ALX3: variants seen among roughly 807,000 people sequenced by gnomAD.
ALX3 encodes the protein homeobox protein aristaless-like 3.
Under a neutral mutation model 26.3 loss-of-function variants are expected in ALX3, and 17 were observed. That is an observed-to-expected ratio of 0.65 (90% CI 0.44 to 0.97). ALX3 has a LOEUF of 0.97. Among genes scored for constraint, ALX3 ranks in the 50% least tolerant of loss-of-function variants. ALX3 has a pLI of 0.00. For missense variants in ALX3, 461 were observed against 466.5 expected, an observed-to-expected ratio of 0.99 and a Z score of 0.11; for synonymous variants, 208 against 201.4, an observed-to-expected ratio of 1.03 and a Z score of -0.28.
chr1:110,060,640 G>T lies in ALX3; in HGVS notation c.*93C>A. The stretch of plus-strand genomic sequence containing the variant: ...GTGCCAGCTGCTCTCGCAGCCTCCA[G>T]AACCATCTGGGGCTTGGAGGCAGAG... On this transcript the variant is annotated 3_prime_UTR_variant, in exon 4 of 4. Transcript: ENST00000647563. The T allele has an allele frequency of 7.2e-7, 1 of 1,398,502 alleles. No individual in the cohort carries two copies. Among genetic ancestry groups the T allele is most frequent in the Non-Finnish European group, 9.7e-7 (1 of 1,027,184 alleles). 86.6% of individuals were successfully genotyped at this position (1,398,502 alleles called of 1,614,324 possible).
chr1:110,069,071 C>T (rs1437470801), intron 1 of ALX3, among the ~76,000 whole-genome samples: 1 of 152,226 alleles, frequency 6.6e-6, no homozygotes, highest in African/African-American at 2.4e-5. Context: ...CGGTGCTCAC[C>T]GCACTGCGCG....
chr1:110,069,573 G>T (rs1475176471), intron 1 of ALX3, among the ~76,000 whole-genome samples: 2 of 152,252 alleles, frequency 1.3e-5, no homozygotes, highest in Non-Finnish European at 2.9e-5. Context: ...CGGCGCCAGG[G>T]GGTTAGGCTG....
In ALX3 at chr1:110,064,731, C is replaced by T. The variant is rs777515788; in HGVS notation, c.450G>A (p.Lys150=). The change falls in exon 2 of 4, where the codon AAG becomes AAA. Residue 150 remains lysine, a synonymous_variant. Coordinates refer to ENST00000647563, the MANE Select transcript of ALX3 (RefSeq NM_006492.3). ...TCGTGCGGTTACGACGCTTCTTGCT[C>T]TTGTTCTTGGCCAACTCCATGGAGT... ...LPDSMELAKN[K]SKKRRNRTTF... is the part of the protein sequence containing the mutation. 1.6e-5 allele frequency: 26 copies of T among 1,614,118 alleles called. No individual in the cohort carries two copies. Among genetic ancestry groups the T allele is most frequent in the Non-Finnish European group, 2.1e-5 (25 of 1,180,050 alleles).
intron 2 of ALX3, chr1:110,061,875 G>T (rs1030083186): frequency 3.5e-5 from 15 of 434,202 alleles, no homozygotes; most frequent in African/African-American, 2.6e-4. Flanking sequence ...GGCCTCAGGG[G>T]CCCTAGGTAC....
chr1:110,069,074 A>G (rs57976312), intron 1 of ALX3, among the ~76,000 whole-genome samples: 4,866 of 152,306 alleles, frequency 0.032, 210 homozygotes, highest in African/African-American at 0.099. Context: ...TGCTCACCGC[A>G]CTGCGCGGCC....
intron 3 of ALX3, 161 bp from the exon 4 acceptor site, chr1:110,061,202 C>A: frequency 1.0e-6 from 1 of 993,906 alleles, no homozygotes; most frequent in Non-Finnish European, 1.5e-6. Flanking sequence ...GCAGTGGCAT[C>A]TCAGGAGGCC....
chr1:110,065,836 C>T (rs529123275), intron 1 of ALX3, among the ~76,000 whole-genome samples: 6 of 152,372 alleles, frequency 3.9e-5, no homozygotes, highest in African/African-American at 1.4e-4. Flanking sequence ...CGGAGCCTCA[C>T]CATGGTGGAT....
chr1:110,061,173 CCT>C lies in ALX3; in HGVS notation c.724-134_724-133del, dbSNP rs1050417079. ...ACCTCCACTTGGCTCAGATCTACCC[CCT>C]CTCACCCCCAACACTGGCAGTGGCA... On this transcript the variant is annotated intron_variant, in intron 3 of 3. Transcript: ENST00000647563. The C allele has an allele frequency of 4.4e-6, 5 of 1,130,270 alleles. No individual in the cohort carries two copies. The African/African-American group carries it at 4.7e-5, about 11-fold the overall frequency. 70.0% of individuals were successfully genotyped at this position (1,130,270 alleles called of 1,614,324 possible).
intron 3 of ALX3, 65 bp downstream of exon 3, chr1:110,061,370 G>A: frequency 6.2e-7 from 1 of 1,613,014 alleles, no homozygotes; most frequent in Non-Finnish European, 8.5e-7. Context: ...GTTTCTTCAG[G>A]CCAGACCTCA....
intron 2 of ALX3, among the ~76,000 whole-genome samples, chr1:110,063,349 T>C (rs1174397300): frequency 6.6e-6 from 1 of 152,092 alleles, no homozygotes; most frequent in African/African-American, 2.4e-5. Flanking sequence ...CTGGAGGCCT[T>C]GGGGGACAGT....
In ALX3 at chr1:110,059,958, A is replaced by C. The variant is rs1305556449; in HGVS notation, c.*775T>G. 1 of 151,160 alleles carries C rather than the reference A, an allele frequency of 6.6e-6. No individual in the cohort carries two copies. The highest frequency in any genetic ancestry group is 1.5e-5 in the Non-Finnish European group (1 of 67,808). The allele number at this position is 151,160 out of a possible 1,614,324, so 9.4% of individuals were successfully genotyped here. On this transcript the variant is annotated 3_prime_UTR_variant, in exon 4 of 4. Coordinates refer to ENST00000647563, the MANE Select transcript of ALX3 (RefSeq NM_006492.3). ...TTTTTTTTTTTTAAACAAAAAAAAC[A>C]CAAAAGTGTCTGTACAAAAATGGGG... is the stretch of plus-strand genomic sequence containing the variant.
rs766980097 is a variant in ALX3 at position 110,061,427 on chromosome 1, G to T, written c.723+8C>A. 1.4e-4 allele frequency: 229 copies of T among 1,614,084 alleles called. No individual in the cohort carries two copies. Among genetic ancestry groups the T allele is most frequent in the Non-Finnish European group, 1.8e-4 (207 of 1,180,044 alleles). On this transcript the variant is annotated splice_region_variant and intron_variant, in intron 3 of 3. Transcript: ENST00000647563. ...CAGGTCCTGGTTCAGGTAGGGCTGG[G>T]GTCTTACCTGAGGGTGGCTGTCAGT...
chr1:110,066,989 A>T (rs1278610284), intron 1 of ALX3, among the ~76,000 whole-genome samples: 1 of 152,192 alleles, frequency 6.6e-6, no homozygotes, highest in Non-Finnish European at 1.5e-5. Flanking sequence ...ATGCCTGCCC[A>T]GTCTACAGCC....
intron 1 of ALX3, among the ~76,000 whole-genome samples, chr1:110,069,839 C>T (rs545791395): frequency 6.6e-6 from 1 of 152,220 alleles, no homozygotes; most frequent in South Asian, 2.1e-4. Context: ...AAGACCAGGC[C>T]GCAGTCCCCA....
intron 1 of ALX3, among the ~76,000 whole-genome samples, chr1:110,069,827 C>T (rs1653876262): frequency 6.6e-6 from 1 of 152,146 alleles, no homozygotes; most frequent in Admixed American, 6.5e-5. Context: ...GAGAGACGGG[C>T]CAAGACCAGG....
At position 110,060,775 on chromosome 1, in the gene ALX3, T is replaced by C. The variant is rs750217555; in HGVS notation, c.990A>G (p.Val330=). The change falls in exon 4 of 4, where the codon GTA becomes GTG. Residue 330 remains valine, a synonymous_variant. Coordinates refer to ENST00000647563, the MANE Select transcript of ALX3 (RefSeq NM_006492.3). ...YKSPSLVSLR[V]KPKEPPGLLN... ...GAAGGCCGGGTGGCTCCTTGGGCTTTACCCTGAGCGAGACGAGGCTTGGAG... is the reference window on the plus strand; with the variant it reads ...GAAGGCCGGGTGGCTCCTTGGGCTTCACCCTGAGCGAGACGAGGCTTGGAG... The C allele has an allele frequency of 1.9e-6, 3 of 1,611,916 alleles. No homozygotes were observed. Among genetic ancestry groups the C allele is most frequent in the Admixed American group, 3.3e-5 (2 of 59,800 alleles).
intron 2 of ALX3, 124 bp from the exon 3 acceptor site, chr1:110,061,687 T>C: frequency 7.1e-7 from 1 of 1,417,024 alleles, no homozygotes; most frequent in Non-Finnish European, 9.6e-7. Context: ...ATGGAGGATC[T>C]CAACTGTTAA....
In ALX3 at chr1:110,070,579, C is replaced by T. The variant is rs1334792590; in HGVS notation, c.34G>A (p.Gly12Arg). ...DPEHCAPFRV[G>R]PAPGPYVASG... ...GCCACATAGGGGCCGGGTGCAGGCC[C>T]CACGCGGAAAGGCGCGCAGTGCTCG... Residue 12 changes from glycine (G) to arginine (R), a missense_variant, in exon 1 of 4, where the codon GGG becomes AGG. Physicochemically the swap from Gly to Arg is moderately radical, Grantham distance 125 (BLOSUM62 -2). Coordinates refer to ENST00000647563, the MANE Select transcript of ALX3 (RefSeq NM_006492.3). The T allele has an allele frequency of 1.5e-6, 2 of 1,299,452 alleles. 1 individual carries two copies. The highest frequency in any genetic ancestry group is 7.2e-5 in the Admixed American group (2 of 27,726). The allele number at this position is 1,299,452 out of a possible 1,614,324, so 80.5% of individuals were successfully genotyped here.
chr1:110,064,868 G>T lies in ALX3; in HGVS notation c.313C>A (p.Gln105Lys). Reference protein sequence around the residue: ...EKTSKAASFPQLPLDCRGGPR... With the variant: ...EKTSKAASFPKLPLDCRGGPR... ...CCCCCTCGGCAGTCCAAGGGCAGCT[G>T]GGGGAAGCTGGCAGCTTTGGAGGTC... The change falls in exon 2 of 4, where the codon CAG (glutamine) becomes AAG (lysine). Residue 105 changes from glutamine (Q) to lysine (K), a missense_variant. Transcript: ENST00000647563. 6 of 1,610,592 alleles carry T rather than the reference G, an allele frequency of 3.7e-6. No individual in the cohort carries two copies. Among genetic ancestry groups the T allele is most frequent in the Non-Finnish European group, 5.1e-6 (6 of 1,178,252 alleles).
Sources: gnomAD v4.1 joint callset for allele counts (sites outside exome capture counted in the v4.1 genomes callset) on GRCh38, gnomAD v4.1.1 for gene constraint, MANE v1.5 for transcripts, NCBI Gene and HGNC (gene_info 2026-07-23, HGNC 2026-07-21) for gene names.